The following C1orf94 variants were observed in gnomAD, a reference collection of about 807,000 sequenced individuals.
C1orf94 encodes uncharacterized protein C1orf94.
In C1orf94, 45 loss-of-function variants were observed where a neutral mutation model predicts 53.6. That is an observed-to-expected ratio of 0.84 (90% confidence interval 0.66 to 1.08). The LOEUF is 1.08. Among genes scored for constraint, C1orf94 ranks in the 50% least tolerant of loss-of-function variants. The pLI, the probability that C1orf94 is intolerant of heterozygous loss-of-function variation, is 0.00. For missense variants in C1orf94, 762 were observed against 738.9 expected (o/e 1.03, Z -0.36); for synonymous variants, 304 against 296.1 (o/e 1.03, Z -0.27).
At chr1:34,208,291 G>C (rs529846578) in intron 5 of C1orf94, 57 bp downstream of exon 5, 2 of 1,530,536 alleles carry the variant, frequency 1.3e-6, no homozygotes, top group East Asian at 2.4e-5. Flanking sequence ...TTGGGTCAGA[G>C]GGTGCATCTG....
At chr1:34,208,306 C>A in intron 5 of C1orf94, 72 bp downstream of exon 5, 1 of 1,450,786 alleles carries the variant, frequency 6.9e-7, no homozygotes, top group Non-Finnish European at 9.5e-7. Context: ...CATCTGCTCC[C>A]TCCTCCTTTT....
intron 5 of C1orf94, among the ~76,000 whole-genome samples, chr1:34,211,432 T>C (rs1188163584): frequency 6.6e-6 from 1 of 152,092 alleles, no homozygotes; most frequent in African/African-American, 2.4e-5. Context: ...CAGTTCTAGG[T>C]CGGAGTTCAT....
At chr1:34,173,785 C>T (rs1642182293), upstream of C1orf94, among the ~76,000 whole-genome samples, 1 of 152,174 alleles carries the variant, frequency 6.6e-6, no homozygotes, top group Non-Finnish European at 1.5e-5. Flanking sequence ...AGAAGTTTTC[C>T]AAGCTAAAAA....
chr1:34,194,149 A>C (rs1642542598), intron 1 of C1orf94, among the ~76,000 whole-genome samples: 1 of 152,210 alleles, frequency 6.6e-6, no homozygotes, highest in Non-Finnish European at 1.5e-5. Context: ...GTGCAGAGGC[A>C]CATATGGGTG....
chr1:34,203,470 T>C (rs1642747537), intron 4 of C1orf94, among the ~76,000 whole-genome samples: 1 of 152,012 alleles, frequency 6.6e-6, no homozygotes, highest in Non-Finnish European at 1.5e-5. Context: ...TCTTTGTATG[T>C]CATTTTATAT....
chr1:34,197,203 T>C lies in C1orf94; in HGVS notation c.321-22T>C. On this transcript the variant is annotated intron_variant, in intron 1 of 6. Coordinates refer to ENST00000488417, the MANE Select transcript of C1orf94 (RefSeq NM_001134734.2). This position sits in a 1 kb window ranked among gnomAD's most constrained non-coding sequence, Gnocchi z 4.1. ...TTGGTGAGCTGGCACTAACACCGTC[T>C]GTCTCTCTGACCCATTTCCAGAGCT... The C allele has an allele frequency of 6.7e-7, 1 of 1,492,644 alleles. No homozygotes were observed. Among genetic ancestry groups the C allele is most frequent in the Non-Finnish European group, 9.0e-7 (1 of 1,116,836 alleles). 92.5% of individuals were successfully genotyped at this position (1,492,644 alleles called of 1,614,324 possible).
chr1:34,202,700 C>T (rs1642732037), intron 4 of C1orf94, among the ~76,000 whole-genome samples: 1 of 152,128 alleles, frequency 6.6e-6, no homozygotes, highest in Non-Finnish European at 1.5e-5. Flanking sequence ...ACATATATCC[C>T]AGATTATTTG....
At chr1:34,183,396 C>A (rs1419273453) in intron 1 of C1orf94, among the ~76,000 whole-genome samples, 1 of 152,234 alleles carries the variant, frequency 6.6e-6, no homozygotes, top group Non-Finnish European at 1.5e-5. Context: ...GACATTTGTT[C>A]ATTTCTTCAT....
intron 2 of C1orf94, 142 bp downstream of exon 2, chr1:34,198,055 G>T: frequency 1.1e-6 from 1 of 941,158 alleles, no homozygotes; most frequent in Admixed American, 2.9e-5. Flanking sequence ...ACAGCCCCGA[G>T]GGACGGGCTG....
At position 34,197,399 on chromosome 1, in the gene C1orf94, T is replaced by C; in HGVS notation, c.495T>C (p.Pro165=). The change falls in exon 2 of 7, where the codon CCT becomes CCC. Residue 165 remains proline (P), a synonymous_variant. Transcript: ENST00000488417. The surrounding 1 kb of genome is among the most constrained non-coding windows in gnomAD (Gnocchi z 4.1). The stretch of plus-strand genomic sequence containing the variant: ...TGGCTCCCTGCATTCTTGCCCCTCC[T>C]CTAGTGGCAGGCAGTAATGAGCGCC... ...RELAPCILAP[P]LVAGSNERPR... is the part of the protein sequence containing the mutation. 6.2e-7 allele frequency: 1 copy of C among 1,613,850 alleles called. No homozygotes were observed. Among genetic ancestry groups the C allele is most frequent in the Non-Finnish European group, 8.5e-7 (1 of 1,179,802 alleles).
chr1:34,201,346 G>A (rs989194437), intron 3 of C1orf94, among the ~76,000 whole-genome samples: 1 of 152,162 alleles, frequency 6.6e-6, no homozygotes, highest in Non-Finnish European at 1.5e-5. Context: ...CCTTGCTTTA[G>A]ATTATTTCTA....
intron 1 of C1orf94, among the ~76,000 whole-genome samples, chr1:34,181,169 C>T (rs1466308110): frequency 6.6e-6 from 1 of 152,182 alleles, no homozygotes; most frequent in Non-Finnish European, 1.5e-5. Flanking sequence ...TCTTTCGATA[C>T]CCCTTTGGAT....
rs764463652 is a variant in C1orf94, at chr1:34,212,239, AC to A, written c.1555del (p.Gln519SerfsTer12). On this transcript the variant is annotated frameshift_variant, in exon 6 of 7. Transcript: ENST00000488417. LOFTEE classifies it high-confidence loss of function. ...TGCCATACAACCCACAGCAGATGGG[AC>A]AGCAGATCTTCCGCTCTTCCTACAC... ...VMPYNPQQMG[Q>X]QIFRSSYTPL... is the part of the protein sequence containing the mutation. 6.2e-7 allele frequency: 1 copy of A among 1,612,578 alleles called. No individual in the cohort carries two copies.
chr1:34,182,537 G>T (rs964287604), intron 1 of C1orf94, among the ~76,000 whole-genome samples: 2 of 152,148 alleles, frequency 1.3e-5, no homozygotes, highest in African/African-American at 4.8e-5. Flanking sequence ...AGAGTCCAGG[G>T]GAGGCCTAAT....
chr1:34,202,452 T>C (rs1455626767), intron 4 of C1orf94, among the ~76,000 whole-genome samples, 193 bp downstream of exon 4: 1 of 152,112 alleles, frequency 6.6e-6, no homozygotes, highest in Non-Finnish European at 1.5e-5. Context: ...TTTTTCATTG[T>C]AGTCACATCA....
chr1:34,201,293 A>G (rs74063791), intron 3 of C1orf94, among the ~76,000 whole-genome samples: 5,610 of 152,312 alleles, frequency 0.037, 319 homozygotes, highest in African/African-American at 0.13. Context: ...CTGACCCAGC[A>G]TGTATTATAT....
intron 1 of C1orf94, among the ~76,000 whole-genome samples, chr1:34,193,489 G>T (rs1642531398): frequency 6.6e-6 from 1 of 152,194 alleles, no homozygotes; most frequent in African/African-American, 2.4e-5. Flanking sequence ...AGTGCATTCA[G>T]ATTGGGGAAC....
Position 34,185,363 on chromosome 1 carries a change from A to G in C1orf94, c.320+7254A>G, listed in dbSNP as rs552209024. 5.9e-5 allele frequency among the ~76,000 whole-genome samples: 9 copies of G among 152,202 alleles called. No homozygotes were observed. In the East Asian group the frequency reaches 1.6e-3, roughly 26 times the overall value. On this transcript the variant is annotated intron_variant, in intron 1 of 6. Coordinates refer to ENST00000488417, the MANE Select transcript of C1orf94 (RefSeq NM_001134734.2). ...CCTGGCTAATTTTTGTATTTTTAGT[A>G]GAGACAGGGTTTCACCATATTAGTC...
intron 5 of C1orf94, among the ~76,000 whole-genome samples, chr1:34,209,285 A>AAC (rs59376155): frequency 0.18 from 26,061 of 143,546 alleles, 2,351 homozygotes; most frequent in Middle Eastern, 0.26. Context: ...GAGAAATGCA[A>AAC]ACACACACAC....
Sources: allele counts gnomAD v4.1 joint callset (sites outside exome capture counted in the v4.1 genomes callset), GRCh38; gene constraint gnomAD v4.1.1; non-coding constraint Gnocchi (gnomAD v3.1); transcripts MANE v1.5; gene names NCBI Gene and HGNC (gene_info 2026-07-23, HGNC 2026-07-21).